MTHFD2L: variants seen among roughly 807,000 people sequenced by gnomAD.
MTHFD2L encodes the protein bifunctional methylenetetrahydrofolate dehydrogenase/cyclohydrolase 2, mitochondrial.
Under a neutral mutation model 34.9 loss-of-function variants are expected in MTHFD2L, and 29 were observed. That is an observed-to-expected ratio of 0.83 (90% CI 0.62 to 1.13). MTHFD2L has a LOEUF of 1.13. MTHFD2L is among the 50% of genes most tolerant of loss of function. The pLI, the probability that MTHFD2L is intolerant of heterozygous loss-of-function variation, is 0.00. For synonymous variants in MTHFD2L, 167 were observed against 155.7 expected, an observed-to-expected ratio of 1.07 and a Z score of -0.54; for missense variants, 481 against 446.5, an observed-to-expected ratio of 1.08 and a Z score of -0.70.
chr4:74,150,087 G>A (rs1288595010), intron 1 of MTHFD2L, among the ~76,000 whole-genome samples: 2 of 152,152 alleles, frequency 1.3e-5, no homozygotes, highest in Non-Finnish European at 2.9e-5. Flanking sequence ...GGGGAAGGGT[G>A]CCAACAAGCC....
At chr4:74,213,945 A>T (rs886161854) in intron 5 of MTHFD2L, among the ~76,000 whole-genome samples, 1 of 151,418 alleles carries the variant, frequency 6.6e-6, no homozygotes, top group African/African-American at 2.4e-5. Flanking sequence ...TTCTTTCTTT[A>T]TTTAATTAAG....
chr4:74,142,982 C>T (rs768033632), intron 1 of MTHFD2L, among the ~76,000 whole-genome samples: 27 of 152,210 alleles, frequency 1.8e-4, no homozygotes, highest in Non-Finnish European at 3.1e-4. Flanking sequence ...CTGAAATCAC[C>T]AATGATCATG....
Position 74,301,943 on chromosome 4 carries a change from A to G in MTHFD2L, c.*134A>G, listed in dbSNP as rs1250967471. On this transcript the variant is annotated 3_prime_UTR_variant, in exon 8 of 8. Transcript: ENST00000325278. ...TTTTTCATGGGTGAAATCATTGTGAATCAATTGATTCACATAGTTTTATGC... is the reference window on the plus strand; with the variant it reads ...TTTTTCATGGGTGAAATCATTGTGAGTCAATTGATTCACATAGTTTTATGC... The G allele has an allele frequency of 4.2e-6, 2 of 473,122 alleles. No individual in the cohort carries two copies. The highest frequency in any genetic ancestry group is 4.1e-5 in the Admixed American group (1 of 24,168). 29.3% of individuals were successfully genotyped at this position (473,122 alleles called of 1,614,324 possible).
Position 74,233,648 on chromosome 4 carries a change from A to G in MTHFD2L, c.805+8254A>G, listed in dbSNP as rs907960402. On this transcript the variant is annotated intron_variant, in intron 6 of 7. Coordinates refer to ENST00000325278, the MANE Select transcript of MTHFD2L (RefSeq NM_001144978.3). The stretch of plus-strand genomic sequence containing the variant: ...GACTTTAACTTTCTAATACTTTGGT[A>G]ATATAGACTGTACAAAAACATGTAC... 2.6e-5 allele frequency among the ~76,000 whole-genome samples: 4 copies of G among 152,140 alleles called. No individual in the cohort carries two copies. In the South Asian group the frequency reaches 6.2e-4, roughly 24 times the overall value.
chr4:74,245,600 T>A (rs1742320078), intron 6 of MTHFD2L, among the ~76,000 whole-genome samples: 1 of 152,140 alleles, frequency 6.6e-6, no homozygotes, highest in Non-Finnish European at 1.5e-5. Flanking sequence ...TAGCATTAGG[T>A]ATATCTCCTA....
At chr4:74,148,596 C>T (rs982256649) in intron 1 of MTHFD2L, among the ~76,000 whole-genome samples, 1 of 151,916 alleles carries the variant, frequency 6.6e-6, no homozygotes, top group Non-Finnish European at 1.5e-5. Context: ...AATTCTTGGG[C>T]TCAAGCGATT....
chr4:74,194,027 A>T (rs532485374), intron 3 of MTHFD2L: 16 of 152,244 alleles, frequency 1.1e-4, no homozygotes, highest in African/African-American at 3.8e-4. Context: ...TAGGATGTTA[A>T]TTGTAAAGTT....
At chr4:74,150,650 C>T (rs529548198) in intron 1 of MTHFD2L, among the ~76,000 whole-genome samples, 1 of 150,576 alleles carries the variant, frequency 6.6e-6, no homozygotes, top group Non-Finnish European at 1.5e-5. Flanking sequence ...ATTTTCTGCT[C>T]CAAACATTAT....
At chr4:74,260,698 T>G (rs1160586209) in intron 6 of MTHFD2L, among the ~76,000 whole-genome samples, 1 of 152,100 alleles carries the variant, frequency 6.6e-6, no homozygotes, top group Non-Finnish European at 1.5e-5. Flanking sequence ...TTCATTCAAT[T>G]TATAAAACTA....
intron 3 of MTHFD2L, among the ~76,000 whole-genome samples, chr4:74,197,919 G>C (rs1733763111): frequency 6.6e-6 from 1 of 152,144 alleles, no homozygotes; most frequent in Admixed American, 6.5e-5. Flanking sequence ...ACACTGCTGA[G>C]ATAGCAGAGT....
chr4:74,177,092 C>A (rs753056602), intron 3 of MTHFD2L, among the ~76,000 whole-genome samples: 2 of 151,826 alleles, frequency 1.3e-5, no homozygotes, highest in African/African-American at 2.4e-5. Flanking sequence ...GAGAAAAATG[C>A]TCTGGCAGAT....
intron 3 of MTHFD2L, among the ~76,000 whole-genome samples, chr4:74,179,836 T>C (rs1241015292): frequency 6.6e-6 from 1 of 152,116 alleles, no homozygotes; most frequent in African/African-American, 2.4e-5. Context: ...TTCTGCATCA[T>C]CTTCTGGCAT....
At chr4:74,248,499 T>G (rs1280429037) in intron 6 of MTHFD2L, among the ~76,000 whole-genome samples, 9 of 150,652 alleles carry the variant, frequency 6.0e-5, no homozygotes, top group Non-Finnish European at 1.2e-4. Flanking sequence ...GCTCTGATTT[T>G]AGTTATTTCT....
chr4:74,233,179 T>G (rs1320021892), intron 6 of MTHFD2L, among the ~76,000 whole-genome samples: 1 of 152,148 alleles, frequency 6.6e-6, no homozygotes, highest in African/African-American at 2.4e-5. Context: ...TAGCTGTGTC[T>G]CGTTTGTAAC....
At chr4:74,159,967 T>G in intron 1 of MTHFD2L, 54 of 904,098 alleles carry the variant, frequency 6.0e-5, no homozygotes, top group East Asian at 7.4e-5. Flanking sequence ...GCCCCAAGGT[T>G]GAGAAACACC....
chr4:74,212,822 G>T (rs1299074808), intron 5 of MTHFD2L, among the ~76,000 whole-genome samples: 1 of 151,998 alleles, frequency 6.6e-6, no homozygotes, highest in South Asian at 2.1e-4. Context: ...TTATTGTGTG[G>T]GAGTCTAACT....
intron 7 of MTHFD2L, chr4:74,293,702 C>T (rs1749289160): frequency 6.3e-6 from 1 of 159,222 alleles, no homozygotes; most frequent in African/African-American, 2.4e-5. Context: ...TTCTATCAAC[C>T]ATATGAGAAA....
chr4:74,261,593 G>A (rs868732646), intron 6 of MTHFD2L, among the ~76,000 whole-genome samples: 5 of 151,986 alleles, frequency 3.3e-5, no homozygotes, highest in African/African-American at 1.2e-4. Context: ...ATTTTGCACA[G>A]GAGTGGAAAG....
intron 6 of MTHFD2L, among the ~76,000 whole-genome samples, chr4:74,259,131 G>T (rs1744379093): frequency 6.6e-6 from 1 of 152,110 alleles, no homozygotes; most frequent in South Asian, 2.1e-4. Context: ...GGAAGTTGCA[G>T]CTAAGAACAC....
Sources: gnomAD v4.1 joint callset for allele counts (sites outside exome capture counted in the v4.1 genomes callset) on GRCh38, gnomAD v4.1.1 for gene constraint, MANE v1.5 for transcripts, NCBI Gene and HGNC (gene_info 2026-07-23, HGNC 2026-07-21) for gene names.